HIPK2: variants seen among roughly 807,000 people sequenced by gnomAD.
HIPK2 encodes the protein homeodomain-interacting protein kinase 2.
A neutral mutation model predicts 113.7 loss-of-function variants in HIPK2; 27 were observed. The observed-to-expected ratio is 0.24, with a 90% confidence interval of 0.17 to 0.33. The LOEUF is 0.33. Ranked by LOEUF, HIPK2 falls within the 10% of genes least tolerant of loss-of-function variation. The probability of loss-of-function intolerance (pLI) is 1.00; values close to 1 mark genes in which losing one functional copy is unlikely to be tolerated. For missense variants in HIPK2, 1,257 were observed against 1,588.0 expected, an observed-to-expected ratio of 0.79 and a Z score of 3.54; for synonymous variants, 631 against 642.2, an observed-to-expected ratio of 0.98 and a Z score of 0.26.
At chr7:139,589,372 T>C (rs1447671386) in intron 12 of HIPK2, among the ~76,000 whole-genome samples, 6 of 151,484 alleles carry the variant, frequency 4.0e-5, no homozygotes, top group Non-Finnish European at 7.4e-5. Flanking sequence ...CATATCTTCC[T>C]TAGGATCTGA....
At chr7:139,767,559 A>G (rs1399395654) in intron 1 of HIPK2, among the ~76,000 whole-genome samples, 1 of 152,248 alleles carries the variant, frequency 6.6e-6, no homozygotes, top group Non-Finnish European at 1.5e-5. Context: ...GCTGAAACCC[A>G]CAAAACATAA....
At chr7:139,739,510 C>A (rs1418611285) in intron 1 of HIPK2, among the ~76,000 whole-genome samples, 1 of 151,980 alleles carries the variant, frequency 6.6e-6, no homozygotes, top group African/African-American at 2.4e-5. Context: ...TTGCTTGAAC[C>A]CTGGAGGCGG....
intron 6 of HIPK2, among the ~76,000 whole-genome samples, chr7:139,623,986 G>A (rs1289069218): frequency 1.3e-5 from 2 of 151,520 alleles, no homozygotes; most frequent in Non-Finnish European, 2.9e-5. Flanking sequence ...AGAGGCTGAA[G>A]TGAGACCCTC....
At chr7:139,593,799 G>C (rs541675592) in intron 12 of HIPK2, among the ~76,000 whole-genome samples, 1 of 152,342 alleles carries the variant, frequency 6.6e-6, no homozygotes, top group Non-Finnish European at 1.5e-5. Context: ...GAACAAGGAT[G>C]ATCAATGTGT....
intron 2 of HIPK2, among the ~76,000 whole-genome samples, chr7:139,688,460 C>A (rs965683616): frequency 2.6e-5 from 4 of 152,188 alleles, no homozygotes; most frequent in African/African-American, 9.7e-5. Flanking sequence ...GAAGAACGGG[C>A]TTCTCACTCC....
chr7:139,763,476 C>A (rs56124209), intron 1 of HIPK2, among the ~76,000 whole-genome samples: 2 of 136,734 alleles, frequency 1.5e-5, no homozygotes, highest in Admixed American at 7.2e-5. Context: ...GAACACGCCC[C>A]CCCCCCCACA....
intron 12 of HIPK2, among the ~76,000 whole-genome samples, chr7:139,590,542 T>A (rs1798983283): frequency 6.6e-6 from 1 of 152,206 alleles, no homozygotes; most frequent in South Asian, 2.1e-4. Context: ...CTTTTACCCT[T>A]CTGATTTCAT....
intron 2 of HIPK2, among the ~76,000 whole-genome samples, chr7:139,666,826 G>A (rs995245481): frequency 6.6e-6 from 1 of 152,134 alleles, no homozygotes; most frequent in African/African-American, 2.4e-5. Context: ...AGTTTGGGAG[G>A]CCGAGGCAGG....
chr7:139,677,696 G>C (rs1802550829), intron 2 of HIPK2, among the ~76,000 whole-genome samples: 1 of 152,128 alleles, frequency 6.6e-6, no homozygotes. Context: ...ATCTACATTA[G>C]GTATTTCCCC....
intron 2 of HIPK2, among the ~76,000 whole-genome samples, chr7:139,670,605 T>C (rs1286721799): frequency 1.3e-5 from 2 of 150,008 alleles, no homozygotes; most frequent in African/African-American, 4.9e-5. Context: ...ACAAAAAAAG[T>C]GAAGGAAAAA....
At chr7:139,664,861 C>T (rs1801992371) in intron 2 of HIPK2, among the ~76,000 whole-genome samples, 6 of 152,112 alleles carry the variant, frequency 3.9e-5, no homozygotes, top group Admixed American at 3.9e-4. Context: ...TATTTTTTTA[C>T]CTTAATCATT....
intron 1 of HIPK2, among the ~76,000 whole-genome samples, chr7:139,728,144 T>C (rs1250858592): frequency 6.6e-6 from 1 of 152,030 alleles, no homozygotes; most frequent in Admixed American, 6.5e-5. Context: ...GGTCTCCCTA[T>C]GTTGTCCAGG....
intron 2 of HIPK2, among the ~76,000 whole-genome samples, chr7:139,710,534 T>C (rs1795031110): frequency 6.6e-6 from 1 of 152,240 alleles, no homozygotes; most frequent in Non-Finnish European, 1.5e-5. Flanking sequence ...ATGACAGTCT[T>C]GGCAGTTGGT....
intron 1 of HIPK2, among the ~76,000 whole-genome samples, chr7:139,733,488 AT>A (rs1369372901): frequency 1.3e-5 from 2 of 152,338 alleles, no homozygotes; most frequent in African/African-American, 4.8e-5. Flanking sequence ...TATCTACTGT[AT>A]AAACAATGAT....
At chr7:139,637,502 C>T (rs1168275354) in intron 2 of HIPK2, among the ~76,000 whole-genome samples, 1 of 152,216 alleles carries the variant, frequency 6.6e-6, no homozygotes, top group Non-Finnish European at 1.5e-5. Context: ...TCCCTGCTGG[C>T]TGTCACATGG....
rs192034097 is a variant in HIPK2 at position 139,676,903 on chromosome 7, C to T, written c.1103+39029G>A. ...TTTGAGATAGTTTTGCTCTTGTTGC[C>T]CAGGCTGGAGTGCAATGGCATGATC... On this transcript the variant is annotated intron_variant, in intron 2 of 14. Transcript: ENST00000406875. Among the ~76,000 whole-genome samples, 578 of 150,732 alleles carry T rather than the reference C, an allele frequency of 3.8e-3. 3 individuals are homozygous for T. The highest frequency in any genetic ancestry group is 0.011 in the African/African-American group (471 of 40,968).
At chr7:139,744,431 A>C (rs965790614) in intron 1 of HIPK2, among the ~76,000 whole-genome samples, 3 of 152,196 alleles carry the variant, frequency 2.0e-5, no homozygotes, top group African/African-American at 7.2e-5. Context: ...GCGAATAGGG[A>C]GTGAGTTAAC....
At chr7:139,758,378 A>C (rs1162022887) in intron 1 of HIPK2, among the ~76,000 whole-genome samples, 1 of 152,222 alleles carries the variant, frequency 6.6e-6, no homozygotes, top group East Asian at 1.9e-4. Flanking sequence ...GAAAAATATA[A>C]ACTTTTAAAC....
intron 2 of HIPK2, among the ~76,000 whole-genome samples, chr7:139,664,646 G>A (rs1801983817): frequency 6.6e-6 from 1 of 152,130 alleles, no homozygotes; most frequent in African/African-American, 2.4e-5. Context: ...AGGGGACAAC[G>A]AGGGCCACCT....
Sources: gnomAD v4.1 joint callset for allele counts (sites outside exome capture counted in the v4.1 genomes callset) on GRCh38, gnomAD v4.1.1 for gene constraint, MANE v1.5 for transcripts, NCBI Gene and HGNC (gene_info 2026-07-23, HGNC 2026-07-21) for gene names.